The following AP4E1 variants were observed in gnomAD, a reference collection of about 807,000 sequenced individuals.
AP4E1 encodes AP-4 complex subunit epsilon-1.
A neutral mutation model predicts 128.2 loss-of-function variants in AP4E1; 56 were observed. The observed-to-expected ratio is 0.44, with a 90% CI of 0.35 to 0.55. The LOEUF is 0.55. AP4E1 is among the 20% of genes least tolerant of loss of function. The pLI is 0.00. For synonymous variants in AP4E1, 484 were observed against 473.1 expected (o/e 1.02, Z -0.30); for missense variants, 1,324 against 1,307.7 (o/e 1.01, Z -0.19).
chr15:51,000,258 C>G (rs2064943063), intron 19 of AP4E1, among the ~76,000 whole-genome samples: 1 of 151,292 alleles, frequency 6.6e-6, no homozygotes, highest in Non-Finnish European at 1.5e-5. Flanking sequence ...CCTCCCACCT[C>G]AGGCTCCTGA....
At chr15:50,911,430 C>CT (rs1491583702) in intron 1 of AP4E1, among the ~76,000 whole-genome samples, 1 of 151,016 alleles carries the variant, frequency 6.6e-6, no homozygotes, top group Non-Finnish European at 1.5e-5. Flanking sequence ...AGATGAGACT[C>CT]TTTTCTTGGG....
chr15:50,922,557 T>C (rs994799308), intron 3 of AP4E1, among the ~76,000 whole-genome samples: 1 of 152,160 alleles, frequency 6.6e-6, no homozygotes, highest in African/African-American at 2.4e-5. Context: ...TGCTGGGTAA[T>C]GATGGTTATA....
chr15:50,992,206 A>AAT (rs892797862), intron 16 of AP4E1, among the ~76,000 whole-genome samples: 3 of 152,120 alleles, frequency 2.0e-5, no homozygotes, highest in African/African-American at 7.2e-5. Context: ...GAATACATAA[A>AAT]ATATATATAG....
intron 17 of AP4E1, among the ~76,000 whole-genome samples, chr15:50,995,395 CCTT>C (rs1023470052): frequency 6.8e-6 from 1 of 146,526 alleles, no homozygotes; most frequent in African/African-American, 2.5e-5. Context: ...GCTTATTTCA[CCTT>C]CTTTTTTTTT....
chr15:50,908,886 G>A lies in AP4E1; in HGVS notation c.108G>A (p.Leu36=). 1.2e-6 allele frequency: 2 copies of A among 1,610,602 alleles called. No individual in the cohort carries two copies. The highest frequency in any genetic ancestry group is 1.7e-6 in the Non-Finnish European group (2 of 1,179,294). The change falls in exon 1 of 21, where the codon CTG becomes CTA. Residue 36 remains leucine, a synonymous_variant. Coordinates refer to ENST00000261842, the MANE Select transcript of AP4E1 (RefSeq NM_007347.5). ...CCAAGGCGTCCTTCTCCTCGAGGCTGGGCAGCCTTGTCCGCGGCATCACAG... is the reference window on the plus strand; with the variant it reads ...CCAAGGCGTCCTTCTCCTCGAGGCTAGGCAGCCTTGTCCGCGGCATCACAG... ...AAAKASFSSR[L]GSLVRGITAL...
rs28538160 is a variant in AP4E1 at position 50,979,226 on chromosome 15, A to G, written c.1967-4796A>G. ...AAAAAGATACCACTGTTGGATGGTA[A>G]GTGCAATGGTTTGAATATGTTTGTC... On this transcript the variant is annotated intron_variant, in intron 15 of 20. Transcript: ENST00000261842. Among the ~76,000 whole-genome samples, 716 of 152,288 alleles carry G rather than the reference A, an allele frequency of 4.7e-3. 10 individuals are homozygous for G. Among genetic ancestry groups the G allele is most frequent in the African/African-American group, 0.017 (696 of 41,546 alleles).
intron 7 of AP4E1, among the ~76,000 whole-genome samples, chr15:50,933,342 G>A (rs918649395): frequency 6.6e-6 from 1 of 152,118 alleles, no homozygotes; most frequent in African/African-American, 2.4e-5. Context: ...GGATTCTAAA[G>A]TATTTAATTG....
At chr15:50,999,589 A>G (rs548876602) in intron 19 of AP4E1, among the ~76,000 whole-genome samples, 13 of 152,296 alleles carry the variant, frequency 8.5e-5, no homozygotes, top group African/African-American at 2.9e-4. Flanking sequence ...AACTCCGAAG[A>G]TTCTGCATGG....
At chr15:50,908,043 C>T (rs1312653270), upstream of AP4E1, among the ~76,000 whole-genome samples, 1 of 152,168 alleles carries the variant, frequency 6.6e-6, no homozygotes, top group Admixed American at 6.5e-5. Flanking sequence ...CTTTCAACTG[C>T]GACCTGCTGA....
In AP4E1 at chr15:50,999,196, A is replaced by G. The variant is rs1595584997; in HGVS notation, c.3029A>G (p.His1010Arg). The G allele has an allele frequency of 6.2e-7, 1 of 1,613,612 alleles. No homozygotes were observed. The highest frequency in any genetic ancestry group is 8.5e-7 in the Non-Finnish European group (1 of 1,179,758). ...AATCTTACTGGTTTTATTAGTTATC[A>G]TATGATGGATACTCATTCTGCTCAG... ...EGNLTGFISYHMMDTHSAQLE... is the reference protein window; with the variant it reads ...EGNLTGFISYRMMDTHSAQLE... Residue 1010 changes from histidine (H) to arginine (R), a missense_variant, in exon 19 of 21, where the codon CAT becomes CGT. Physicochemically the swap from His to Arg is conservative, Grantham distance 29 (BLOSUM62 0). Transcript: ENST00000261842.
intron 15 of AP4E1, among the ~76,000 whole-genome samples, chr15:50,976,662 C>T (rs541913504): frequency 3.9e-5 from 6 of 152,228 alleles, no homozygotes; most frequent in South Asian, 4.1e-4. Flanking sequence ...AAGTAATAAG[C>T]GAATTCTGGA....
intron 8 of AP4E1, 103 bp downstream of exon 8, chr15:50,934,800 A>G: frequency 1.3e-6 from 1 of 745,174 alleles, no homozygotes; most frequent in Non-Finnish European, 2.3e-6. Context: ...AATTTTATAC[A>G]CTGATTTTAA....
At chr15:50,949,725 A>C (rs2064118043) in intron 11 of AP4E1, 101 bp from the exon 12 acceptor site, 3 of 896,032 alleles carry the variant, frequency 3.3e-6, no homozygotes, top group African/African-American at 1.6e-5. Context: ...TAAAACTGCC[A>C]TACTAGGATG....
intron 13 of AP4E1, among the ~76,000 whole-genome samples, chr15:50,950,996 A>G (rs1163453009): frequency 6.6e-6 from 1 of 152,208 alleles, no homozygotes; most frequent in East Asian, 1.9e-4. Flanking sequence ...TATATGTACT[A>G]CATTTTCTTT....
At chr15:51,002,054 A>AT (rs2140940507) in intron 20 of AP4E1, among the ~76,000 whole-genome samples, 1 of 151,726 alleles carries the variant, frequency 6.6e-6, no homozygotes, top group East Asian at 1.9e-4. Context: ...AATTTTTTGT[A>AT]TTTTTTAGTA....
intron 14 of AP4E1, among the ~76,000 whole-genome samples, chr15:50,963,561 A>G (rs1450426812): frequency 6.6e-6 from 1 of 152,194 alleles, no homozygotes; most frequent in Non-Finnish European, 1.5e-5. Flanking sequence ...GAAGCTGGGA[A>G]GGGTCGGGGG....
rs920925586 is a variant in AP4E1, at chr15:50,908,834, A to C, written c.56A>C (p.Asn19Thr). 1 of 1,607,588 alleles carries C rather than the reference A, an allele frequency of 6.2e-7. No individual in the cohort carries two copies. The highest frequency in any genetic ancestry group is 1.3e-5 in the African/African-American group (1 of 74,826). ...LTALPGLFLQ[N>T]QPGGGPAAAK... Reference sequence around the variant, plus strand: ...GCGCTGCCGGGACTCTTTCTGCAGAACCAGCCCGGTGGTGGGCCCGCGGCC... The same window carrying C: ...GCGCTGCCGGGACTCTTTCTGCAGACCCAGCCCGGTGGTGGGCCCGCGGCC... The change falls in exon 1 of 21, where the codon AAC (asparagine) becomes ACC (threonine). Residue 19 changes from asparagine (N) to threonine (T), a missense_variant. Asn to Thr is a moderately conservative substitution (Grantham distance 65). Transcript: ENST00000261842.
In AP4E1 at chr15:50,974,267, T is replaced by C. The variant is rs1259859636; in HGVS notation, c.1966+5890T>C. The stretch of plus-strand genomic sequence containing the variant: ...AGGTATGAGCCACTGTGCCCGGCCA[T>C]TTTTTTTTTTTTTTTTTGAGACAGT... On this transcript the variant is annotated intron_variant, in intron 15 of 20. Transcript: ENST00000261842. Among the ~76,000 whole-genome samples, 3 of 89,042 alleles carry C rather than the reference T, an allele frequency of 3.4e-5. No individual in the cohort carries two copies. In the East Asian group the frequency reaches 6.6e-4, roughly 20 times the overall value. The allele number at this position is 89,042 out of a possible 152,430, so 58.4% of individuals were successfully genotyped here.
At chr15:50,984,432 T>G (rs931671996) in intron 16 of AP4E1, among the ~76,000 whole-genome samples, 1 of 151,830 alleles carries the variant, frequency 6.6e-6, no homozygotes, top group Admixed American at 6.6e-5. Context: ...ACATTAGGTA[T>G]ATCTCCTAAT....
Sources: allele counts gnomAD v4.1 joint callset (sites outside exome capture counted in the v4.1 genomes callset), GRCh38; gene constraint gnomAD v4.1.1; transcripts MANE v1.5; gene names NCBI Gene and HGNC (gene_info 2026-07-23, HGNC 2026-07-21).